OSBPL9: variants seen among roughly 807,000 people sequenced by gnomAD.
OSBPL9 encodes the protein oxysterol binding protein like 9.
In OSBPL9, 40 loss-of-function variants were observed where a neutral mutation model predicts 106.6. The ratio of observed to expected loss-of-function variants is 0.38; its 90% CI spans 0.29 to 0.49. The LOEUF (loss-of-function observed/expected upper bound fraction) is 0.49. OSBPL9 is among the 20% of genes least tolerant of loss of function. The pLI, the probability that OSBPL9 is intolerant of heterozygous loss-of-function variation, is 0.97. For missense variants in OSBPL9, 609 were observed against 887.2 expected (o/e 0.69, Z 3.98); for synonymous variants, 269 against 295.4 (o/e 0.91, Z 0.92).
chr1:51,606,865 G>A (rs1263051763), intron 2 of OSBPL9, among the ~76,000 whole-genome samples: 1 of 152,024 alleles, frequency 6.6e-6, no homozygotes, highest in Non-Finnish European at 1.5e-5. Flanking sequence ...TGGCTAACAC[G>A]GTGAAACCCG....
chr1:51,570,176 C>T, the OSBPL9 span, among the ~76,000 whole-genome samples: 1 of 152,172 alleles, frequency 6.6e-6, no homozygotes, highest in African/African-American at 2.4e-5. Context: ...AGAAAGAGCC[C>T]CTGCACTTTC....
chr1:51,633,468 T>C (rs1358796237), intron 1 of OSBPL9, among the ~76,000 whole-genome samples: 1 of 151,300 alleles, frequency 6.6e-6, no homozygotes, highest in East Asian at 2.0e-4. Flanking sequence ...TTCCAGCTAC[T>C]GGGTGGGGAT....
chr1:51,720,670 A>G (rs888970116), intron 4 of OSBPL9, among the ~76,000 whole-genome samples: 1 of 152,054 alleles, frequency 6.6e-6, no homozygotes, highest in African/African-American at 2.4e-5. Context: ...TGATATTTCA[A>G]AAATTTAAAT....
chr1:51,782,748 CTG>C (rs1676694039), intron 17 of OSBPL9, 105 bp downstream of exon 17: 5 of 898,598 alleles, frequency 5.6e-6, no homozygotes, highest in East Asian at 2.6e-5. Context: ...GTGTGACTAG[CTG>C]TGTGTTTCTT....
At chr1:51,773,941 CGTTGTTGTTGTTGTTGTT>C (rs3835387) in intron 14 of OSBPL9, among the ~76,000 whole-genome samples, 5 of 149,086 alleles carry the variant, frequency 3.4e-5, no homozygotes, top group South Asian at 2.2e-4. Context: ...CAGCTGCTGG[CGTTGTTGTTGTTGTTGTT>C]GTTGTTGTTG....
the OSBPL9 span, among the ~76,000 whole-genome samples, chr1:51,558,005 T>A: frequency 2.6e-5 from 4 of 151,582 alleles, no homozygotes; most frequent in African/African-American, 7.3e-5. Flanking sequence ...TAATCTAATT[T>A]AAAAAAAAAT....
At chr1:51,583,394 C>G (rs367827713) in intron 1 of OSBPL9, 2 of 152,174 alleles carry the variant, frequency 1.3e-5, no homozygotes, top group African/African-American at 4.8e-5. Flanking sequence ...TGCTCAACAA[C>G]GAAGTTAGAA....
chr1:51,539,913 T>C, the OSBPL9 span, among the ~76,000 whole-genome samples: 1 of 152,248 alleles, frequency 6.6e-6, no homozygotes, highest in Non-Finnish European at 1.5e-5. Flanking sequence ...TGATCTATCG[T>C]CTGCCTGTAT....
chr1:51,617,282 G>T, intron 1 of OSBPL9, 61 bp downstream of exon 1: 1 of 1,509,960 alleles, frequency 6.6e-7, no homozygotes, highest in Non-Finnish European at 9.0e-7. Flanking sequence ...GGTGGAGGTG[G>T]GGGACCGGGG....
rs189668606 is a variant in OSBPL9 at position 51,692,824 on chromosome 1, G to A, written c.242-21179G>A. On this transcript the variant is annotated intron_variant, in intron 3 of 23. Coordinates refer to ENST00000428468, the MANE Select transcript of OSBPL9 (RefSeq NM_024586.6). ...TTACAGGAGTGAGCCACTGCACCCCGCCTGCAGTCTGTCTTTGACTAAATG... is the reference window on the plus strand; with the variant it reads ...TTACAGGAGTGAGCCACTGCACCCCACCTGCAGTCTGTCTTTGACTAAATG... Among the ~76,000 whole-genome samples the A allele has an allele frequency of 2.0e-4, 30 of 151,984 alleles. No individual in the cohort carries two copies. The East Asian group carries it at 5.2e-3, about 26-fold the overall frequency.
chr1:51,551,912 T>A, the OSBPL9 span, among the ~76,000 whole-genome samples: 3 of 151,902 alleles, frequency 2.0e-5, no homozygotes, highest in African/African-American at 7.3e-5. Context: ...TCTTCAGATT[T>A]CCGGGATAGT....
rs1477901457 is a variant in OSBPL9 at position 51,783,532 on chromosome 1, C to T, written c.1514-383C>T. On this transcript the variant is annotated intron_variant, in intron 17 of 23. Coordinates refer to ENST00000428468, the MANE Select transcript of OSBPL9 (RefSeq NM_024586.6). Reference sequence around the variant, plus strand: ...GTTGGCTGAATCTGTGGGTACAAAACCCATGGATATGGAGGGTCAACTGTA... The same window carrying T: ...GTTGGCTGAATCTGTGGGTACAAAATCCATGGATATGGAGGGTCAACTGTA... 1.3e-5 allele frequency among the ~76,000 whole-genome samples: 2 copies of T among 152,078 alleles called. 1 individual carries two copies. The highest frequency in any genetic ancestry group is 2.9e-5 in the Non-Finnish European group (2 of 68,008).
At chr1:51,663,464 A>G (rs544174948) in intron 2 of OSBPL9, among the ~76,000 whole-genome samples, 2 of 152,282 alleles carry the variant, frequency 1.3e-5, no homozygotes, top group South Asian at 2.1e-4. Flanking sequence ...GCTGGCTATG[A>G]CTATGTTCAA....
chr1:51,645,844 TG>T (rs1268883252), intron 1 of OSBPL9, among the ~76,000 whole-genome samples: 1 of 152,170 alleles, frequency 6.6e-6, no homozygotes, highest in Non-Finnish European at 1.5e-5. Context: ...CTTTTACATA[TG>T]GTTTAATCAT....
At chr1:51,624,775 A>C (rs990486634) in intron 1 of OSBPL9, among the ~76,000 whole-genome samples, 1 of 152,186 alleles carries the variant, frequency 6.6e-6, no homozygotes, top group Non-Finnish European at 1.5e-5. Context: ...AGCCTAGCTC[A>C]TATACTTCTT....
chr1:51,787,324 TG>T (rs1557882576), intron 22 of OSBPL9, 28 bp from the exon 23 acceptor site: 1 of 1,602,126 alleles, frequency 6.2e-7, no homozygotes, highest in Admixed American at 1.7e-5. Flanking sequence ...TTCTCAACAT[TG>T]GCAGCTCCTC....
chr1:51,695,787 G>T (rs1222291336), intron 3 of OSBPL9, among the ~76,000 whole-genome samples: 1 of 152,106 alleles, frequency 6.6e-6, no homozygotes, highest in Non-Finnish European at 1.5e-5. Flanking sequence ...TGTAGTTGTT[G>T]TGAAAATTTA....
intron 3 of OSBPL9, among the ~76,000 whole-genome samples, chr1:51,711,451 C>T (rs1659837062): frequency 7.5e-6 from 1 of 134,032 alleles, no homozygotes; most frequent in African/African-American, 2.8e-5. Flanking sequence ...GGGCGGCTGG[C>T]CGGGCGGGGG....
the OSBPL9 span, among the ~76,000 whole-genome samples, chr1:51,532,628 T>A: frequency 2.0e-5 from 3 of 152,076 alleles, no homozygotes; most frequent in Non-Finnish European, 4.4e-5. Context: ...CAGTTGTGGG[T>A]TTTTCTTCAT....
Sources: gnomAD v4.1 joint callset for allele counts (sites outside exome capture counted in the v4.1 genomes callset) on GRCh38, gnomAD v4.1.1 for gene constraint, MANE v1.5 for transcripts, NCBI Gene and HGNC (gene_info 2026-07-23, HGNC 2026-07-21) for gene names.